PHF21A: variants seen among roughly 807,000 people sequenced by gnomAD.
PHF21A encodes PHD finger protein 21A, also known as BHC80a.
PHF21A carries 11 observed loss-of-function variants against 82.5 expected under a neutral mutation model. That is an observed-to-expected ratio of 0.13 (90% CI 0.08 to 0.22). The LOEUF (loss-of-function observed/expected upper bound fraction) is 0.22. Ranked by LOEUF, PHF21A falls within the 10% of genes least tolerant of loss-of-function variation. The pLI is 1.00. For missense variants in PHF21A, 579 were observed against 837.8 expected, an observed-to-expected ratio of 0.69 and a Z score of 3.81; for synonymous variants, 297 against 302.8, an observed-to-expected ratio of 0.98 and a Z score of 0.20.
At chr11:46,037,909 C>T (rs2096049026) in intron 6 of PHF21A, among the ~76,000 whole-genome samples, 1 of 151,870 alleles carries the variant, frequency 6.6e-6, no homozygotes, top group Non-Finnish European at 1.5e-5. Flanking sequence ...CTTTTAGGAT[C>T]GCTTTTCTTT....
At chr11:46,030,809 G>A (rs1011491116) in intron 6 of PHF21A, among the ~76,000 whole-genome samples, 15 of 140,008 alleles carry the variant, frequency 1.1e-4, no homozygotes, top group Non-Finnish European at 1.4e-4. Flanking sequence ...ACCACATAGT[G>A]TGTGTGTGTG....
chr11:46,063,026 C>T (rs757370110), intron 6 of PHF21A, among the ~76,000 whole-genome samples: 2 of 152,004 alleles, frequency 1.3e-5, no homozygotes, highest in African/African-American at 2.4e-5. Flanking sequence ...CGGTTTCACA[C>T]CATCAAAAAT....
At chr11:45,954,258 A>G (rs1208163457) in intron 10 of PHF21A, among the ~76,000 whole-genome samples, 1 of 152,072 alleles carries the variant, frequency 6.6e-6, no homozygotes, top group Non-Finnish European at 1.5e-5. Flanking sequence ...CAGCCTCCCA[A>G]AGTGCTGGGA....
At chr11:46,115,010 T>C in intron 1 of PHF21A, among the ~76,000 whole-genome samples, 1 of 152,374 alleles carries the variant, frequency 6.6e-6, no homozygotes, top group East Asian at 1.9e-4. Context: ...ACTGGTTCAC[T>C]TTCTTGACTA....
chr11:45,978,323 A>C (rs1291912855), intron 7 of PHF21A, among the ~76,000 whole-genome samples: 1 of 141,704 alleles, frequency 7.1e-6, no homozygotes, highest in African/African-American at 2.4e-5. Context: ...ACAAAAAAAC[A>C]AACAAACAAA....
At chr11:45,993,374 T>C (rs535244248) in intron 6 of PHF21A, among the ~76,000 whole-genome samples, 1 of 152,256 alleles carries the variant, frequency 6.6e-6, no homozygotes, top group East Asian at 1.9e-4. Context: ...CTCTCAGAAC[T>C]GTGCAGGGCT....
intron 15 of PHF21A, among the ~76,000 whole-genome samples, 154 bp from the exon 16 acceptor site, chr11:45,938,466 C>T (rs1300220622): frequency 1.3e-5 from 2 of 152,220 alleles, no homozygotes; most frequent in African/African-American, 4.8e-5. Context: ...ATAGCACATG[C>T]CCCTACTCAC....
chr11:46,101,898 C>T (rs914662592), intron 1 of PHF21A, among the ~76,000 whole-genome samples: 6 of 150,144 alleles, frequency 4.0e-5, no homozygotes, highest in South Asian at 2.1e-4. Context: ...CTCGCTCTGT[C>T]GCCAGGCTGG....
rs147021868 is a variant in PHF21A, at chr11:45,949,000, T to C, written c.1228-54A>G. On this transcript the variant is annotated intron_variant, in intron 13 of 18. Coordinates refer to ENST00000676320, the MANE Select transcript of PHF21A (RefSeq NM_001352027.3). ...TGTTGAGTAGTGTGGTTATTACTAA[T>C]ACTGGCACAAGCTAAAGACCAAGCA... 130 of 1,363,198 alleles carry C rather than the reference T, an allele frequency of 9.5e-5. No homozygotes were observed. In the African/African-American group the frequency reaches 1.8e-3, roughly 19 times the overall value. 84.4% of individuals were successfully genotyped at this position (1,363,198 alleles called of 1,614,324 possible).
intron 6 of PHF21A, among the ~76,000 whole-genome samples, chr11:46,048,121 CATT>C (rs1274022693): frequency 2.0e-5 from 3 of 152,164 alleles, no homozygotes; most frequent in Non-Finnish European, 4.4e-5. Context: ...AACTCTGTGA[CATT>C]AGTAGTCACT....
At chr11:46,093,708 T>C (rs964041634) in intron 1 of PHF21A, among the ~76,000 whole-genome samples, 2 of 152,212 alleles carry the variant, frequency 1.3e-5, no homozygotes, top group African/African-American at 2.4e-5. Context: ...AAATGCTCAA[T>C]AAATGTTTGT....
At chr11:45,951,240 A>G (rs1234066606) in intron 11 of PHF21A, among the ~76,000 whole-genome samples, 2 of 152,224 alleles carry the variant, frequency 1.3e-5, no homozygotes, top group Non-Finnish European at 2.9e-5. Context: ...CTTCAATTGT[A>G]AAAGACATAC....
Position 46,073,642 on chromosome 11 carries a change from CAAAAT to C in PHF21A, c.153+3107_153+3111del, listed in dbSNP as rs2134839197. On this transcript the variant is annotated intron_variant, in intron 6 of 18. Coordinates refer to ENST00000676320, the MANE Select transcript of PHF21A (RefSeq NM_001352027.3). ...TTACACGCCCACATACATATATACACAAAATAAACATAAAAATGGGACTGTAATGC... is the reference window on the plus strand; with the variant it reads ...TTACACGCCCACATACATATATACACAAACATAAAAATGGGACTGTAATGC... Among the ~76,000 whole-genome samples the C allele has an allele frequency of 2.0e-5, 3 of 152,210 alleles. 1 individual carries two copies. In the South Asian group the frequency reaches 6.2e-4, roughly 32 times the overall value.
At chr11:45,960,529 G>T (rs532917093) in intron 10 of PHF21A, among the ~76,000 whole-genome samples, 1 of 152,126 alleles carries the variant, frequency 6.6e-6, no homozygotes, top group Non-Finnish European at 1.5e-5. Flanking sequence ...GATTGCCAGC[G>T]GCAGAGGGCA....
intron 15 of PHF21A, among the ~76,000 whole-genome samples, chr11:45,944,447 C>T (rs374662224): frequency 2.6e-5 from 4 of 151,980 alleles, no homozygotes; most frequent in African/African-American, 9.7e-5. Context: ...AAATAAATAC[C>T]GAAAAATTAT....
intron 1 of PHF21A, among the ~76,000 whole-genome samples, chr11:46,111,899 G>A (rs1056609677): frequency 6.6e-6 from 1 of 152,184 alleles, no homozygotes; most frequent in African/African-American, 2.4e-5. Flanking sequence ...TGATAGATTG[G>A]TACATGCTTC....
chr11:45,965,486 A>C lies in PHF21A; in HGVS notation c.825T>G (p.Leu275=), dbSNP rs766008277. The C allele has an allele frequency of 1.1e-5, 17 of 1,613,746 alleles. No individual in the cohort carries two copies. The highest frequency in any genetic ancestry group is 5.9e-6 in the Non-Finnish European group (7 of 1,179,912). ...GGTGGATGGAATTCTGGGATGTGGG[A>C]AGGGTTGTGGGGGTGAACTTGGTCA... ...VMLTKFTPTT[L]PTSQNSIHPV... is the part of the protein sequence containing the mutation. The change falls in exon 10 of 19, where the codon CTT becomes CTG. Residue 275 remains leucine, a synonymous_variant. Coordinates refer to ENST00000676320, the MANE Select transcript of PHF21A (RefSeq NM_001352027.3).
chr11:46,021,859 T>C (rs1339903658), intron 6 of PHF21A, among the ~76,000 whole-genome samples: 5 of 152,148 alleles, frequency 3.3e-5, no homozygotes, highest in African/African-American at 4.8e-5. Context: ...TGGCCACTTA[T>C]CTTCTTTGAA....
At chr11:45,947,324 G>C (rs1274459574) in intron 14 of PHF21A, among the ~76,000 whole-genome samples, 1 of 152,132 alleles carries the variant, frequency 6.6e-6, no homozygotes, top group Non-Finnish European at 1.5e-5. Flanking sequence ...GGAAAAAAAA[G>C]GGCCAGAGAG....
Sources: allele counts gnomAD v4.1 joint callset (sites outside exome capture counted in the v4.1 genomes callset), GRCh38; gene constraint gnomAD v4.1.1; transcripts MANE v1.5; gene names NCBI Gene and HGNC (gene_info 2026-07-23, HGNC 2026-07-21).